MIGA1: variants seen among roughly 807,000 people sequenced by gnomAD.
MIGA1 encodes the protein family with sequence similarity 73, member A.
MIGA1 carries 58 observed loss-of-function variants against 82.0 expected under a neutral mutation model. The observed-to-expected ratio is 0.71, with a 90% CI of 0.57 to 0.88. The LOEUF (loss-of-function observed/expected upper bound fraction) is 0.88, where lower values mean the gene tolerates loss of function less well. Among genes scored for constraint, MIGA1 ranks in the 40% least tolerant of loss-of-function variants. The pLI, the probability that MIGA1 is intolerant of heterozygous loss-of-function variation, is 0.00. For missense variants in MIGA1, 751 were observed against 749.1 expected (o/e 1.00, Z -0.03); for synonymous variants, 249 against 253.6 (o/e 0.98, Z 0.17).
At chr1:77,868,651 T>G (rs1446394915) in intron 14 of MIGA1, 1 of 152,270 alleles carries the variant, frequency 6.6e-6, no homozygotes, top group African/African-American at 2.4e-5. Context: ...CAGCTCACAT[T>G]ATTCCTTGCT....
At chr1:77,857,545 T>C (rs1557931699) in intron 8 of MIGA1, among the ~76,000 whole-genome samples, 1 of 151,856 alleles carries the variant, frequency 6.6e-6, no homozygotes, top group Non-Finnish European at 1.5e-5. Context: ...GAGGATGTGG[T>C]GGTGCGTACC....
At chr1:77,847,242 T>G (rs997098651) in intron 8 of MIGA1, 11 of 1,066,756 alleles carry the variant, frequency 1.0e-5, no homozygotes, top group African/African-American at 4.7e-5. Flanking sequence ...GTGAAAGCCT[T>G]CAGAGGGAAG....
At chr1:77,821,214 G>T (rs1414940662) in intron 7 of MIGA1, among the ~76,000 whole-genome samples, 7 of 151,484 alleles carry the variant, frequency 4.6e-5, no homozygotes, top group Non-Finnish European at 7.4e-5. Flanking sequence ...TGAACTTATG[G>T]TTAACTAAAA....
chr1:77,860,377 T>C, intron 11 of MIGA1: 1 of 403,562 alleles, frequency 2.5e-6, no homozygotes, highest in Non-Finnish European at 4.4e-6. Context: ...TTAGATCTGC[T>C]GCTATAACCA....
chr1:77,792,315 T>C (rs1490711412), intron 2 of MIGA1, among the ~76,000 whole-genome samples: 2 of 152,154 alleles, frequency 1.3e-5, no homozygotes, highest in Non-Finnish European at 2.9e-5. Flanking sequence ...AGTTACAGAT[T>C]ATCAGTTTTG....
chr1:77,872,321 C>T (rs1009724452), intron 14 of MIGA1, among the ~76,000 whole-genome samples: 2 of 152,002 alleles, frequency 1.3e-5, no homozygotes, highest in Non-Finnish European at 2.9e-5. Context: ...CTTTTAAGGG[C>T]GGGGTGTGGC....
At chr1:77,864,108 C>A in intron 13 of MIGA1, 80 bp downstream of exon 13, 2 of 1,474,516 alleles carry the variant, frequency 1.4e-6, no homozygotes, top group Non-Finnish European at 1.8e-6. Context: ...CGCCTGTAAT[C>A]CCAGCACTTT....
chr1:77,847,599 A>G, intron 8 of MIGA1: 1 of 1,534,918 alleles, frequency 6.5e-7, no homozygotes, highest in African/African-American at 1.4e-5. Flanking sequence ...ACTGCAAGAG[A>G]GAGCTGAAGA....
rs1325288558 is a variant in MIGA1, at chr1:77,875,027, T to C, written c.1862T>C (p.Val621Ala). The change falls in exon 16 of 16, where the codon GTT becomes GCT. Residue 621 changes from valine (V) to alanine (A), a missense_variant. By Grantham distance (64) the Val-to-Ala change is moderately conservative (BLOSUM62 0). This residue lies in a region of MIGA1 where 265 missense variants were observed against 293.6 expected (regional missense o/e 0.90). Coordinates refer to ENST00000370791, the MANE Select transcript of MIGA1 (RefSeq NM_198549.4). ...AGTTGTCTAAGCAGTCATGGTCATG[T>C]TATGTCCACTGGGCTACTGGAAGCC... The C allele has an allele frequency of 1.2e-6, 2 of 1,614,148 alleles. No individual in the cohort carries two copies. Among genetic ancestry groups the C allele is most frequent in the South Asian group, 1.1e-5 (1 of 91,078 alleles).
chr1:77,878,981 A>G lies in MIGA1; in HGVS notation c.*3917A>G, dbSNP rs1018512543. 1 of 293,846 alleles carries G rather than the reference A, an allele frequency of 3.4e-6. No individual in the cohort carries two copies. Among genetic ancestry groups the G allele is most frequent in the Non-Finnish European group, 6.2e-6 (1 of 160,072 alleles). 18.2% of individuals were successfully genotyped at this position (293,846 alleles called of 1,614,324 possible). ...TTAAAATGTAACATTTTCTACTTAAATTTAATTTCCAAGAGAGTGATTATT... is the reference window on the plus strand; with the variant it reads ...TTAAAATGTAACATTTTCTACTTAAGTTTAATTTCCAAGAGAGTGATTATT... On this transcript the variant is annotated 3_prime_UTR_variant, in exon 16 of 16. Coordinates refer to ENST00000370791, the MANE Select transcript of MIGA1 (RefSeq NM_198549.4).
intron 14 of MIGA1, among the ~76,000 whole-genome samples, chr1:77,872,721 C>A (rs2101986104): frequency 6.6e-6 from 1 of 152,286 alleles, no homozygotes; most frequent in East Asian, 1.9e-4. Flanking sequence ...TATTAACTTT[C>A]TTAATAGCAT....
intron 7 of MIGA1, among the ~76,000 whole-genome samples, chr1:77,818,193 G>A (rs1341391116): frequency 5.3e-5 from 8 of 150,236 alleles, no homozygotes; most frequent in East Asian, 2.0e-4. Context: ...GCATGATCTC[G>A]GCTCACCGCA....
Position 77,875,027 on chromosome 1 carries a change from T to G in MIGA1, c.1862T>G (p.Val621Gly). 6.2e-7 allele frequency: 1 copy of G among 1,614,148 alleles called. No individual in the cohort carries two copies. The highest frequency in any genetic ancestry group is 8.5e-7 in the Non-Finnish European group (1 of 1,179,990). ...AGTTGTCTAAGCAGTCATGGTCATG[T>G]TATGTCCACTGGGCTACTGGAAGCC... Residue 621 changes from valine to glycine, a missense_variant, in exon 16 of 16, where the codon GTT (valine) becomes GGT (glycine). Physicochemically the swap from Val to Gly is moderately radical, Grantham distance 109. Around this residue, in one of 3 missense-constraint regions of MIGA1, gnomAD observed 265 missense variants for 293.6 expected, o/e 0.90. Transcript: ENST00000370791.
At chr1:77,832,502 G>A (rs998566862) in intron 7 of MIGA1, among the ~76,000 whole-genome samples, 5 of 152,176 alleles carry the variant, frequency 3.3e-5, no homozygotes, top group Non-Finnish European at 5.9e-5. Flanking sequence ...CTAAGGAAAA[G>A]CATGTGATTA....
intron 2 of MIGA1, among the ~76,000 whole-genome samples, chr1:77,786,797 A>T (rs984790119): frequency 6.6e-6 from 1 of 152,028 alleles, no homozygotes; most frequent in Non-Finnish European, 1.5e-5. Flanking sequence ...ACTTTCCCAC[A>T]TTTTCCTCTC....
At chr1:77,808,049 A>T (rs1683171555) in intron 5 of MIGA1, among the ~76,000 whole-genome samples, 1 of 151,116 alleles carries the variant, frequency 6.6e-6, no homozygotes, top group Admixed American at 6.6e-5. Context: ...TGAACTCCTG[A>T]GCTCAGTTGA....
intron 7 of MIGA1, among the ~76,000 whole-genome samples, chr1:77,819,080 CAAAAAAAAAAA>C (rs745979095): frequency 1.6e-5 from 1 of 63,334 alleles, no homozygotes; most frequent in African/African-American, 6.1e-5. Context: ...AACTCTGTCC[CAAAAAAAAAAA>C]AAAAAAGAAA....
At chr1:77,858,884 G>A (rs1685363302) in intron 8 of MIGA1, 54 bp from the exon 9 acceptor site, 2 of 990,878 alleles carry the variant, frequency 2.0e-6, no homozygotes, top group African/African-American at 1.6e-5. Context: ...TGCAATTACA[G>A]GCATGAGCCA....
In MIGA1 at chr1:77,806,968, A is replaced by G. The variant is rs1683123797; in HGVS notation, c.511-7A>G. ...TTTGAAGTAACTTCTATCCATCTTAATTTTAGGTCCAGAGTGTCAATTCTT... is the reference window on the plus strand; with the variant it reads ...TTTGAAGTAACTTCTATCCATCTTAGTTTTAGGTCCAGAGTGTCAATTCTT... On this transcript the variant is annotated splice_region_variant and splice_polypyrimidine_tract_variant and intron_variant, in intron 4 of 15. Transcript: ENST00000370791. The G allele has an allele frequency of 3.1e-6, 5 of 1,602,848 alleles. No individual in the cohort carries two copies. The highest frequency in any genetic ancestry group is 4.3e-6 in the Non-Finnish European group (5 of 1,174,434).
Sources: allele counts gnomAD v4.1 joint callset (sites outside exome capture counted in the v4.1 genomes callset), GRCh38; gene constraint gnomAD v4.1.1; regional missense constraint gnomAD v4.1.1; transcripts MANE v1.5; gene names NCBI Gene and HGNC (gene_info 2026-07-23, HGNC 2026-07-21).